The following RNF144A variants were observed in gnomAD, a reference collection of about 807,000 sequenced individuals.
The protein encoded by RNF144A is E3 ubiquitin-protein ligase RNF144A.
In RNF144A, 11 loss-of-function variants were observed where a neutral mutation model predicts 38.7. That is an observed-to-expected ratio of 0.28 (90% CI 0.18 to 0.47). RNF144A has a LOEUF of 0.47. Ranked by LOEUF, RNF144A falls within the 20% of genes least tolerant of loss-of-function variation. The probability of loss-of-function intolerance (pLI) is 0.99; values close to 1 mark genes in which losing one functional copy is unlikely to be tolerated. For missense variants in RNF144A, 316 were observed against 377.2 expected (o/e 0.84, Z 1.34); for synonymous variants, 149 against 143.9 (o/e 1.04, Z -0.25).
At chr2:7,020,709 A>G (rs1486099025) in intron 6 of RNF144A, 29 bp downstream of exon 6, 1 of 1,586,354 alleles carries the variant, frequency 6.3e-7, no homozygotes, top group South Asian at 1.1e-5. Context: ...CTGCCACCAA[A>G]GGCATGGCTG....
chr2:7,024,992 T>C (rs1288232434), intron 7 of RNF144A, among the ~76,000 whole-genome samples: 1 of 147,248 alleles, frequency 6.8e-6, no homozygotes, highest in South Asian at 2.2e-4. Context: ...CAGACAGAAG[T>C]GGGGGCTGGG....
At chr2:7,052,799 A>G (rs1035470526) in intron 6 of RNF144A, among the ~76,000 whole-genome samples, 3 of 151,740 alleles carry the variant, frequency 2.0e-5, no homozygotes, top group Non-Finnish European at 2.9e-5. Flanking sequence ...CAGCTTGTAT[A>G]TGAAACAGAA....
At chr2:6,947,710 G>A (rs530658448) in intron 2 of RNF144A, among the ~76,000 whole-genome samples, 17 of 152,186 alleles carry the variant, frequency 1.1e-4, no homozygotes, top group African/African-American at 3.6e-4. Flanking sequence ...ATTTTAAGCC[G>A]TATTTAAGCC....
intron 6 of RNF144A, among the ~76,000 whole-genome samples, chr2:7,022,075 C>T (rs1460778755): frequency 6.6e-6 from 1 of 152,254 alleles, no homozygotes; most frequent in African/African-American, 2.4e-5. Context: ...CCTCCCCATG[C>T]TGGCAGCCAG....
rs920887706 is a variant in RNF144A at position 7,043,193 on chromosome 2, T to G, written c.*3433T>G. 3.5e-5 allele frequency: 34 copies of G among 985,258 alleles called. No individual in the cohort carries two copies. Among genetic ancestry groups the G allele is most frequent in the Non-Finnish European group, 4.0e-5 (33 of 829,944 alleles). The allele number at this position is 985,258 out of a possible 1,614,324, so 61.0% of individuals were successfully genotyped here. On this transcript the variant is annotated 3_prime_UTR_variant, in exon 9 of 9. Coordinates refer to ENST00000320892, the MANE Select transcript of RNF144A (RefSeq NM_014746.6). ...TATTTTCTTAAAGGGGAACAAATGATCTTGACAACATATTATTCCATAAAA... is the reference window on the plus strand; with the variant it reads ...TATTTTCTTAAAGGGGAACAAATGAGCTTGACAACATATTATTCCATAAAA...
chr2:7,060,614 G>A (rs1372662100), intron 6 of RNF144A, among the ~76,000 whole-genome samples: 1 of 152,304 alleles, frequency 6.6e-6, no homozygotes, highest in East Asian at 1.9e-4. Flanking sequence ...TCCAGATTTA[G>A]GGCTGATGTT....
chr2:6,970,334 A>G (rs1195331744), intron 2 of RNF144A, among the ~76,000 whole-genome samples: 1 of 152,106 alleles, frequency 6.6e-6, no homozygotes, highest in African/African-American at 2.4e-5. Context: ...TTCCCTGCAC[A>G]AGCCCTCTCT....
intron 1 of RNF144A, among the ~76,000 whole-genome samples, chr2:6,921,295 C>T (rs188386714): frequency 2.0e-5 from 3 of 152,200 alleles, no homozygotes; most frequent in African/African-American, 7.2e-5. Flanking sequence ...GGCTTATAAG[C>T]TGGATGCAGT....
At chr2:6,939,931 C>G (rs1264148846) in intron 1 of RNF144A, among the ~76,000 whole-genome samples, 2 of 152,250 alleles carry the variant, frequency 1.3e-5, no homozygotes, top group African/African-American at 4.8e-5. Context: ...CCTTATGTCA[C>G]TATTACACTA....
chr2:7,036,364 C>T (rs751085854), intron 8 of RNF144A, among the ~76,000 whole-genome samples: 1 of 152,170 alleles, frequency 6.6e-6, no homozygotes, highest in Non-Finnish European at 1.5e-5. Flanking sequence ...ATGGTATTTA[C>T]GAAAGCCAGC....
chr2:7,069,679 T>G (rs1453990120), downstream of RNF144A, among the ~76,000 whole-genome samples: 1 of 152,208 alleles, frequency 6.6e-6, no homozygotes, highest in Non-Finnish European at 1.5e-5. Flanking sequence ...TCACTTATGT[T>G]TTATTCCCTC....
In RNF144A at chr2:7,041,259, G is replaced by T; in HGVS notation, c.*1499G>T. The T allele has an allele frequency of 4.1e-6, 4 of 985,682 alleles. No homozygotes were observed. Among genetic ancestry groups the T allele is most frequent in the Non-Finnish European group, 4.8e-6 (4 of 829,918 alleles). The allele number at this position is 985,682 out of a possible 1,614,324, so 61.1% of individuals were successfully genotyped here. A position where few individuals can be genotyped will look rare whatever the true frequency, so the allele number is the denominator to read the frequency against. On this transcript the variant is annotated 3_prime_UTR_variant, in exon 9 of 9. Coordinates refer to ENST00000320892, the MANE Select transcript of RNF144A (RefSeq NM_014746.6). ...ATTTTTAAAATGTTGCTTTGTGTGT[G>T]TTTGACTTCTGCATTTGAGTATCAG...
chr2:6,937,566 G>A (rs988944098), intron 1 of RNF144A, among the ~76,000 whole-genome samples: 7 of 152,240 alleles, frequency 4.6e-5, no homozygotes, highest in Non-Finnish European at 7.3e-5. Context: ...GGCAGAAGCT[G>A]TAGTAAAAGA....
chr2:6,945,543 G>C (rs1666281910), intron 2 of RNF144A, among the ~76,000 whole-genome samples: 1 of 152,158 alleles, frequency 6.6e-6, no homozygotes, highest in South Asian at 2.1e-4. Context: ...GTCAACTACT[G>C]GCAAGAGAAC....
chr2:6,977,794 G>C (rs1302332249), intron 2 of RNF144A, among the ~76,000 whole-genome samples: 1 of 152,204 alleles, frequency 6.6e-6, no homozygotes, highest in Admixed American at 6.5e-5. Context: ...TGCCCTCATT[G>C]GGGTGTCTAT....
intron 1 of RNF144A, among the ~76,000 whole-genome samples, chr2:6,931,284 AT>A (rs765812634): frequency 1.3e-5 from 2 of 152,244 alleles, no homozygotes; most frequent in Non-Finnish European, 2.9e-5. Flanking sequence ...TGTTTTATTC[AT>A]CTCTAAAGTG....
intron 2 of RNF144A, among the ~76,000 whole-genome samples, chr2:6,966,821 C>T (rs998022546): frequency 6.6e-6 from 1 of 152,136 alleles, no homozygotes; most frequent in Non-Finnish European, 1.5e-5. Context: ...GCACTGAAGG[C>T]GATTCTTGAG....
At chr2:7,027,165 G>A (rs1671962380) in intron 7 of RNF144A, among the ~76,000 whole-genome samples, 2 of 152,228 alleles carry the variant, frequency 1.3e-5, no homozygotes, top group South Asian at 2.1e-4. Flanking sequence ...GAATATTTCA[G>A]ACCGCCTCCT....
downstream of RNF144A, among the ~76,000 whole-genome samples, chr2:7,046,198 G>A (rs1405884260): frequency 6.6e-6 from 1 of 152,152 alleles, no homozygotes; most frequent in Non-Finnish European, 1.5e-5. Flanking sequence ...CCATTACTCA[G>A]CTCAGCTCAG....
Sources: gnomAD v4.1 joint callset for allele counts (sites outside exome capture counted in the v4.1 genomes callset) on GRCh38, gnomAD v4.1.1 for gene constraint, MANE v1.5 for transcripts, NCBI Gene and HGNC (gene_info 2026-07-23, HGNC 2026-07-21) for gene names.